The following SRSF12 variants were observed in gnomAD, a reference collection of about 807,000 sequenced individuals.
SRSF12 encodes serine and arginine rich splicing factor 12.
SRSF12 carries 21 observed loss-of-function variants against 34.1 expected under a neutral mutation model. The observed-to-expected ratio is 0.62, with a 90% CI of 0.44 to 0.89. The LOEUF is 0.89. Among genes scored for constraint, SRSF12 ranks in the 40% least tolerant of loss-of-function variants. SRSF12 has a pLI of 0.00. For synonymous variants in SRSF12, 111 were observed against 110.8 expected (o/e 1.00, Z -0.01); for missense variants, 278 against 327.8 (o/e 0.85, Z 1.17).
chr6:89,108,536 A>G (rs1768897185), intron 1 of SRSF12, among the ~76,000 whole-genome samples: 1 of 152,234 alleles, frequency 6.6e-6, no homozygotes, highest in Non-Finnish European at 1.5e-5. Context: ...TGGTGCTATC[A>G]TAGGGATTCA....
At chr6:89,117,669 G>A (rs565648639) in intron 1 of SRSF12, among the ~76,000 whole-genome samples, 154 bp downstream of exon 1, 2 of 152,042 alleles carry the variant, frequency 1.3e-5, no homozygotes, top group South Asian at 2.1e-4. Context: ...GGAGTAGTCC[G>A]AGGGCTCACA....
chr6:89,096,613 TAA>T lies in SRSF12; in HGVS notation c.*1963_*1964del, dbSNP rs1768293670. On this transcript the variant is annotated 3_prime_UTR_variant, in exon 5 of 5. Coordinates refer to ENST00000452027, the MANE Select transcript of SRSF12 (RefSeq NM_080743.5). ...AATACAGAGATTTGTGAATACAGAGTAAAGATACTATAATCAATCCCTAGTTA... is the reference window on the plus strand; with the variant it reads ...AATACAGAGATTTGTGAATACAGAGTAGATACTATAATCAATCCCTAGTTA... 6.6e-6 allele frequency: 1 copy of T among 152,038 alleles called. No individual in the cohort carries two copies. The allele number at this position is 152,038 out of a possible 1,614,324, so 9.4% of individuals were successfully genotyped here. A position where few individuals can be genotyped will look rare whatever the true frequency, so the allele number is the denominator to read the frequency against.
chr6:89,110,474 A>G (rs942154108), intron 1 of SRSF12, among the ~76,000 whole-genome samples: 1 of 152,224 alleles, frequency 6.6e-6, no homozygotes, highest in Non-Finnish European at 1.5e-5. Flanking sequence ...TAGAGGCTGA[A>G]GCAAAGCTAC....
intron 1 of SRSF12, among the ~76,000 whole-genome samples, chr6:89,117,406 G>C (rs1769356707): frequency 6.6e-6 from 1 of 152,234 alleles, no homozygotes; most frequent in South Asian, 2.1e-4. Flanking sequence ...CCATCTAGGA[G>C]GGTTGGATGC....
At chr6:89,104,129 A>T (rs771032980) in intron 4 of SRSF12, among the ~76,000 whole-genome samples, 1 of 142,224 alleles carries the variant, frequency 7.0e-6, no homozygotes, top group Non-Finnish European at 1.5e-5. Context: ...TGGACATTTT[A>T]TTGTATTTCT....
In SRSF12 at chr6:89,107,242, G is replaced by A. The variant is rs138061111; in HGVS notation, c.82C>T (p.Arg28Cys). 3.2e-5 allele frequency: 52 copies of A among 1,613,846 alleles called. No individual in the cohort carries two copies. In the East Asian group the frequency reaches 3.8e-4, roughly 12 times the overall value. Residue 28 changes from arginine (R) to cysteine (C), a missense_variant, in exon 2 of 5, where the codon CGT becomes TGT. By Grantham distance (180) the Arg-to-Cys change is radical. Coordinates refer to ENST00000452027, the MANE Select transcript of SRSF12 (RefSeq NM_080743.5). ...ATAGGGCCATATCGACCAAACTCAC[G>A]GCGCAAGTCCTCAGGCCTGAAGTGT... The part of the protein sequence containing the change: ...ADATRPEDLR[R>C]EFGRYGPIVD...
chr6:89,099,987 G>A (rs1375906826), intron 4 of SRSF12, among the ~76,000 whole-genome samples: 2 of 152,160 alleles, frequency 1.3e-5, no homozygotes, highest in African/African-American at 2.4e-5. Flanking sequence ...TGGAGGAGTT[G>A]AGCCCAACCA....
At position 89,098,918 on chromosome 6, in the gene SRSF12, T is replaced by A; in HGVS notation, c.446A>T (p.Gln149Leu). The stretch of plus-strand genomic sequence containing the variant: ...TAATGATTTGGAACGAGATTTAGAC[T>A]GGCTATAAGAAAATCGCCTGTGTCG... ...ESRHRRFSYSQSKSRSKSLPR... is the reference protein window; with the variant it reads ...ESRHRRFSYSLSKSRSKSLPR... The change falls in exon 5 of 5, where the codon CAG becomes CTG. Residue 149 changes from glutamine (Q) to leucine (L), a missense_variant. Transcript: ENST00000452027. The A allele has an allele frequency of 6.2e-7, 1 of 1,613,692 alleles. No individual in the cohort carries two copies. The highest frequency in any genetic ancestry group is 8.5e-7 in the Non-Finnish European group (1 of 1,179,742).
chr6:89,103,389 C>T (rs1317885424), intron 4 of SRSF12, among the ~76,000 whole-genome samples: 2 of 150,914 alleles, frequency 1.3e-5, no homozygotes, highest in Non-Finnish European at 1.5e-5. Flanking sequence ...AGAGCAGTGG[C>T]GTGATCTCAG....
At chr6:89,113,100 T>C (rs180882909) in intron 1 of SRSF12, among the ~76,000 whole-genome samples, 1 of 152,220 alleles carries the variant, frequency 6.6e-6, no homozygotes. Context: ...TCTCTGTCCT[T>C]AACTGATGCA....
rs1294843739 is a variant in SRSF12, at chr6:89,117,991, G to A, written c.-104C>T. ...CAGGAGCTCCGCCGGCCCCCGGCGCGACCCCCACCCCTCGGCCTCAGCCCC... is the reference window on the plus strand; with the variant it reads ...CAGGAGCTCCGCCGGCCCCCGGCGCAACCCCCACCCCTCGGCCTCAGCCCC... On this transcript the variant is annotated 5_prime_UTR_variant, in exon 1 of 5. Coordinates refer to ENST00000452027, the MANE Select transcript of SRSF12 (RefSeq NM_080743.5). 17 of 1,259,318 alleles carry A rather than the reference G, an allele frequency of 1.3e-5. No individual in the cohort carries two copies. In the South Asian group the frequency reaches 1.9e-4, roughly 14 times the overall value. The allele number at this position is 1,259,318 out of a possible 1,614,324, so 78.0% of individuals were successfully genotyped here.
chr6:89,113,711 T>C (rs1400942533), intron 1 of SRSF12, among the ~76,000 whole-genome samples: 1 of 152,188 alleles, frequency 6.6e-6, no homozygotes, highest in African/African-American at 2.4e-5. Context: ...TGGTGCCATC[T>C]TGACTCACTG....
chr6:89,114,225 C>T (rs915233350), intron 1 of SRSF12, among the ~76,000 whole-genome samples: 3 of 152,088 alleles, frequency 2.0e-5, no homozygotes, highest in Non-Finnish European at 2.9e-5. Flanking sequence ...ATCAAGAGTT[C>T]GAGACCAGCC....
rs1333976853 is a variant in SRSF12 at position 89,096,496 on chromosome 6, T to C, written c.*2082A>G. ...TTTGAGCTATTATCATTCCAGCTTTTTCATCAAACCAAATGGTATCCTCCT... is the reference window on the plus strand; with the variant it reads ...TTTGAGCTATTATCATTCCAGCTTTCTCATCAAACCAAATGGTATCCTCCT... On this transcript the variant is annotated 3_prime_UTR_variant, in exon 5 of 5. Transcript: ENST00000452027. 1 of 152,212 alleles carries C rather than the reference T, an allele frequency of 6.6e-6. No homozygotes were observed. The highest frequency in any genetic ancestry group is 2.4e-5 in the African/African-American group (1 of 41,460). The allele number at this position is 152,212 out of a possible 1,614,324, so 9.4% of individuals were successfully genotyped here.
intron 4 of SRSF12, among the ~76,000 whole-genome samples, chr6:89,099,186 A>G (rs1116468): frequency 0.029 from 4,410 of 152,118 alleles, 110 homozygotes; most frequent in Non-Finnish European, 0.043. Context: ...TATAGGGATC[A>G]GTTCTGAAAA....
chr6:89,097,488 T>C lies in SRSF12; in HGVS notation c.*1090A>G, dbSNP rs1768319759. ...AAAATTCAAATACTGCAAAGTTGTT[T>C]TTTGAAGATGTAGTCTCGAGTTTCT... is the stretch of plus-strand genomic sequence containing the variant. On this transcript the variant is annotated 3_prime_UTR_variant, in exon 5 of 5. Coordinates refer to ENST00000452027, the MANE Select transcript of SRSF12 (RefSeq NM_080743.5). 6.7e-6 allele frequency: 1 copy of C among 149,824 alleles called. No individual in the cohort carries two copies. The highest frequency in any genetic ancestry group is 1.5e-5 in the Non-Finnish European group (1 of 68,026). 9.3% of individuals were successfully genotyped at this position (149,824 alleles called of 1,614,324 possible). A position where few individuals can be genotyped will look rare whatever the true frequency, so the allele number is the denominator to read the frequency against.
chr6:89,103,991 CTTTTTTTTTTTTTTTTT>C (rs55760020), intron 4 of SRSF12, among the ~76,000 whole-genome samples: 1 of 81,950 alleles, frequency 1.2e-5, no homozygotes, highest in Non-Finnish European at 2.3e-5. Flanking sequence ...TATTATATTT[CTTTTTTTTTTTTTTTTT>C]TTTTTTTTTG....
At chr6:89,112,915 G>A (rs1182639833) in intron 1 of SRSF12, among the ~76,000 whole-genome samples, 1 of 152,038 alleles carries the variant, frequency 6.6e-6, no homozygotes, top group East Asian at 1.9e-4. Flanking sequence ...TTAGATACAT[G>A]TAGGTAAATG....
rs1214980083 is a variant in SRSF12 at position 89,097,052 on chromosome 6, A to G, written c.*1526T>C. The stretch of plus-strand genomic sequence containing the variant: ...ACATTAATTTATGGCACTTGTCCAA[A>G]TATTACCAGCATACAAATTATTGTT... On this transcript the variant is annotated 3_prime_UTR_variant, in exon 5 of 5. Transcript: ENST00000452027. 5 of 152,224 alleles carry G rather than the reference A, an allele frequency of 3.3e-5. No individual in the cohort carries two copies. Among genetic ancestry groups the G allele is most frequent in the Non-Finnish European group, 7.3e-5 (5 of 68,040 alleles). The allele number at this position is 152,224 out of a possible 1,614,324, so 9.4% of individuals were successfully genotyped here. A position where few individuals can be genotyped will look rare whatever the true frequency, so the allele number is the denominator to read the frequency against.
Sources: gnomAD v4.1 joint callset for allele counts (sites outside exome capture counted in the v4.1 genomes callset) on GRCh38, gnomAD v4.1.1 for gene constraint, MANE v1.5 for transcripts, NCBI Gene and HGNC (gene_info 2026-07-23, HGNC 2026-07-21) for gene names.